CFTR: variants seen among roughly 807,000 people sequenced by gnomAD.
The protein encoded by CFTR is CF transmembrane conductance regulator.
A neutral mutation model predicts 171.6 loss-of-function variants in CFTR; 181 were observed. The ratio of observed to expected loss-of-function variants is 1.05; its 90% CI spans 0.93 to 1.19. The LOEUF (loss-of-function observed/expected upper bound fraction) is 1.19. CFTR is among the 50% of genes most tolerant of loss of function. CFTR has a pLI of 0.00. For synonymous variants in CFTR, 583 were observed against 608.0 expected (o/e 0.96, Z 0.60); for missense variants, 1,968 against 1,734.7 (o/e 1.13, Z -2.39).
chr7:117,644,585 GA>G (rs1792970636), intron 23 of CFTR, among the ~76,000 whole-genome samples: 1 of 152,076 alleles, frequency 6.6e-6, no homozygotes, highest in African/African-American at 2.4e-5. Flanking sequence ...TTTGTTTTCA[GA>G]CATATGAAAC....
chr7:117,660,271 G>A (rs1280509056), intron 24 of CFTR, among the ~76,000 whole-genome samples: 4 of 152,066 alleles, frequency 2.6e-5, no homozygotes, highest in Admixed American at 2.0e-4. Context: ...AGTTTGGACA[G>A]GACTGAGCTA....
chr7:117,523,602 C>A (rs150829841), intron 3 of CFTR, among the ~76,000 whole-genome samples: 2,490 of 152,246 alleles, frequency 0.016, 59 homozygotes, highest in African/African-American at 0.056. Context: ...CGGTCTTGAT[C>A]TCCTGACCTT....
intron 11 of CFTR, among the ~76,000 whole-genome samples, chr7:117,563,661 A>G (rs980525879): frequency 1.3e-5 from 2 of 152,194 alleles, no homozygotes; most frequent in African/African-American, 2.4e-5. Flanking sequence ...ATCAAGACAG[A>G]GGGATCACAG....
At position 117,603,642 on chromosome 7, in the gene CFTR, C is replaced by G; in HGVS notation, c.2768C>G (p.Ala923Gly). 3.1e-6 allele frequency: 5 copies of G among 1,614,086 alleles called. No individual in the cohort carries two copies. Among genetic ancestry groups the G allele is most frequent in the Non-Finnish European group, 4.2e-6 (5 of 1,179,970 alleles). The change falls in exon 17 of 27, where the codon GCC (alanine) becomes GGC (glycine). Residue 923 changes from alanine to glycine, a missense_variant. By Grantham distance (60) the Ala-to-Gly change is moderately conservative. Transcript: ENST00000003084. Reference sequence around the variant, plus strand: ...GTGTTTTACATTTACGTGGGAGTAGCCGACACTTTGCTTGCTATGGGATTC... The same window carrying G: ...GTGTTTTACATTTACGTGGGAGTAGGCGACACTTTGCTTGCTATGGGATTC... ...YYVFYIYVGV[A>G]DTLLAMGFFR...
chr7:117,490,567 A>G (rs1798145641), intron 1 of CFTR, among the ~76,000 whole-genome samples: 1 of 152,030 alleles, frequency 6.6e-6, no homozygotes, highest in Non-Finnish European at 1.5e-5. Context: ...TTTATTAGTG[A>G]GGGCAATCTG....
In CFTR at chr7:117,535,328, G is replaced by A. The variant is rs778686572; in HGVS notation, c.660G>A (p.Gln220=). 2 of 1,614,128 alleles carry A rather than the reference G, an allele frequency of 1.2e-6. No individual in the cohort carries two copies. Among genetic ancestry groups the A allele is most frequent in the South Asian group, 1.1e-5 (1 of 91,074 alleles). Residue 220 remains glutamine (Q), a synonymous_variant, in exon 6 of 27, where the codon CAG becomes CAA. Coordinates refer to ENST00000003084, the MANE Select transcript of CFTR (RefSeq NM_000492.4). ...LLMGLIWELL[Q]ASAFCGLGFL... The stretch of plus-strand genomic sequence containing the variant: ...TGGGGCTAATCTGGGAGTTGTTACA[G>A]GCGTCTGCCTTCTGTGGACTTGGTT...
intron 1 of CFTR, among the ~76,000 whole-genome samples, chr7:117,492,220 T>C (rs1798170723): frequency 6.6e-6 from 1 of 152,010 alleles, no homozygotes; most frequent in Admixed American, 6.6e-5. Context: ...TAATGTTGGC[T>C]GGAAGTTTTA....
rs77834169 is a variant in CFTR, at chr7:117,530,974, C to T, written c.349C>T (p.Arg117Cys). 165 of 1,613,580 alleles carry T rather than the reference C, an allele frequency of 1.0e-4. No homozygotes were observed. The highest frequency in any genetic ancestry group is 3.3e-4 in the Middle Eastern group (2 of 6,066). ...ASYDPDNKEE[R>C]SIAIYLGIGL... is the part of the protein sequence containing the mutation. Reference sequence around the variant, plus strand: ...CTATGACCCGGATAACAAGGAGGAACGCTCTATCGCGATTTATCTAGGCAT... The same window carrying T: ...CTATGACCCGGATAACAAGGAGGAATGCTCTATCGCGATTTATCTAGGCAT... Residue 117 changes from arginine to cysteine, a missense_variant, in exon 4 of 27, where the codon CGC becomes TGC. Coordinates refer to ENST00000003084, the MANE Select transcript of CFTR (RefSeq NM_000492.4).
chr7:117,619,347 A>G (rs1185904371), intron 21 of CFTR, among the ~76,000 whole-genome samples: 1 of 152,242 alleles, frequency 6.6e-6, no homozygotes, highest in Non-Finnish European at 1.5e-5. Flanking sequence ...AAGGGTGACA[A>G]GGTGATGCTT....
At chr7:117,626,567 A>T (rs942336001) in intron 21 of CFTR, among the ~76,000 whole-genome samples, 2 of 152,148 alleles carry the variant, frequency 1.3e-5, no homozygotes, top group South Asian at 2.1e-4. Context: ...ATTGAGCCAC[A>T]GGATCAAAGA....
rs1424347553 is a variant in CFTR, at chr7:117,655,632, T to C, written c.3963+2701T>C. Among the ~76,000 whole-genome samples the C allele has an allele frequency of 2.0e-5, 3 of 152,296 alleles. No homozygotes were observed. In the East Asian group the frequency reaches 5.8e-4, roughly 29 times the overall value. On this transcript the variant is annotated intron_variant, in intron 24 of 26. Transcript: ENST00000003084. ...CATGTACCTGAAAACTCTTCCAGCC[T>C]CTACTCATTACCTTGTTCCAAAGCT...
At chr7:117,647,432 A>C (rs572552926) in intron 23 of CFTR, 1 of 152,286 alleles carries the variant, frequency 6.6e-6, no homozygotes, top group South Asian at 2.1e-4. Flanking sequence ...GTGGAAGGCA[A>C]ATAAGAAGCA....
intron 24 of CFTR, 139 bp from the exon 25 acceptor site, chr7:117,664,549 C>T (rs919904549): frequency 2.6e-5 from 20 of 764,584 alleles, no homozygotes; most frequent in Non-Finnish European, 4.3e-5. Context: ...TCAATCAATT[C>T]AAATGGTGGC....
Position 117,666,985 on chromosome 7 carries a change from C to T in CFTR, c.4320C>T (p.Ala1440=), listed in dbSNP as rs1292837576. 1.9e-6 allele frequency: 3 copies of T among 1,613,890 alleles called. No individual in the cohort carries two copies. The highest frequency in any genetic ancestry group is 2.7e-5 in the African/African-American group (2 of 74,888). ...ACGAGAGGAGCCTCTTCCGGCAAGC[C>T]ATCAGCCCCTCCGACAGGGTGAAGC... ...LLNERSLFRQ[A]ISPSDRVKLF... is the part of the protein sequence containing the mutation. The change falls in exon 27 of 27, where the codon GCC becomes GCT. Residue 1440 remains alanine, a synonymous_variant. Transcript: ENST00000003084.
intron 18 of CFTR, among the ~76,000 whole-genome samples, 189 bp downstream of exon 18, chr7:117,606,942 G>T (rs1187210276): frequency 6.6e-6 from 1 of 152,140 alleles, no homozygotes; most frequent in Non-Finnish European, 1.5e-5. Context: ...AGTCAGAACT[G>T]CTTACCTGGC....
intron 24 of CFTR, among the ~76,000 whole-genome samples, chr7:117,655,445 C>G (rs1227409889): frequency 6.6e-6 from 1 of 152,172 alleles, no homozygotes; most frequent in Non-Finnish European, 1.5e-5. Context: ...GAAAACCCAT[C>G]AGATTGGCCT....
In CFTR at chr7:117,546,227, C is replaced by T. The variant is rs552399199; in HGVS notation, c.1210-2414C>T. Among the ~76,000 whole-genome samples the T allele has an allele frequency of 4.6e-5, 7 of 151,968 alleles. No homozygotes were observed. In the South Asian group the frequency reaches 1.0e-3, roughly 23 times the overall value. On this transcript the variant is annotated intron_variant, in intron 9 of 26. Coordinates refer to ENST00000003084, the MANE Select transcript of CFTR (RefSeq NM_000492.4). ...CAGGCTTGTCTTGAACTCCTGACCTCGTGATCCACTCGCCTCGGCCTCCCA... is the reference window on the plus strand; with the variant it reads ...CAGGCTTGTCTTGAACTCCTGACCTTGTGATCCACTCGCCTCGGCCTCCCA...
chr7:117,655,787 T>C (rs1793157305), intron 24 of CFTR, among the ~76,000 whole-genome samples: 1 of 152,138 alleles, frequency 6.6e-6, no homozygotes, highest in Non-Finnish European at 1.5e-5. Flanking sequence ...TTGTGGAGGC[T>C]GGGAAGTTCA....
At chr7:117,542,244 A>T (rs1313621597) in intron 9 of CFTR, 136 bp downstream of exon 9, 2 of 649,570 alleles carry the variant, frequency 3.1e-6, no homozygotes, top group East Asian at 5.8e-5. Context: ...TCACTCACTT[A>T]TTTTCTAGAT....
Sources: allele counts gnomAD v4.1 joint callset (sites outside exome capture counted in the v4.1 genomes callset), GRCh38; gene constraint gnomAD v4.1.1; transcripts MANE v1.5; gene names NCBI Gene and HGNC (gene_info 2026-07-23, HGNC 2026-07-21).